PTPN23: variants seen among roughly 807,000 people sequenced by gnomAD.
PTPN23 encodes tyrosine-protein phosphatase non-receptor type 23.
Under a neutral mutation model 156.3 loss-of-function variants are expected in PTPN23, and 72 were observed. That is an observed-to-expected ratio of 0.46 (90% CI 0.38 to 0.56). PTPN23 has a LOEUF of 0.56. Ranked by LOEUF, PTPN23 falls within the 20% of genes least tolerant of loss-of-function variation. The pLI is 0.00. For missense variants in PTPN23, 1,974 were observed against 2,171.5 expected (o/e 0.91, Z 1.81); for synonymous variants, 957 against 899.6 (o/e 1.06, Z -1.14).
chr3:47,403,240 G>T (rs1209847703), intron 2 of PTPN23, among the ~76,000 whole-genome samples: 1 of 151,888 alleles, frequency 6.6e-6, no homozygotes, highest in Non-Finnish European at 1.5e-5. Context: ...TTTTAGTAGA[G>T]ACGGGGTTTC....
chr3:47,405,095 T>A lies in PTPN23; in HGVS notation c.364+14T>A. 6.2e-7 allele frequency: 1 copy of A among 1,613,422 alleles called. No homozygotes were observed. The highest frequency in any genetic ancestry group is 1.1e-5 in the South Asian group (1 of 91,058). On this transcript the variant is annotated intron_variant, in intron 4 of 24. Transcript: ENST00000265562. The surrounding 1 kb of genome is among the most constrained non-coding windows in gnomAD (Gnocchi z 4.7). Reference sequence around the variant, plus strand: ...TCTACAACCTTGGTGAGCTGCCTGATCCCTTCCCCCGGCCCTACTCCCCAG... The same window carrying A: ...TCTACAACCTTGGTGAGCTGCCTGAACCCTTCCCCCGGCCCTACTCCCCAG...
chr3:47,395,965 TCG>T (rs1704869979), intron 1 of PTPN23, among the ~76,000 whole-genome samples, 176 bp from the exon 2 acceptor site: 2 of 125,658 alleles, frequency 1.6e-5, no homozygotes, highest in African/African-American at 5.4e-5. Flanking sequence ...GTCACGGCTC[TCG>T]TGGTCAGCAT....
At chr3:47,409,341 G>A in intron 17 of PTPN23, 24 bp downstream of exon 17, 1 of 1,613,574 alleles carries the variant, frequency 6.2e-7, no homozygotes. Context: ...GCAGGGTAGA[G>A]GGGCTCTGGC....
chr3:47,387,086 T>C (rs146351515), intron 1 of PTPN23, among the ~76,000 whole-genome samples: 1 of 152,258 alleles, frequency 6.6e-6, no homozygotes, highest in East Asian at 1.9e-4. Flanking sequence ...CCTTGAGTAT[T>C]ATTGTAGGGA....
At chr3:47,395,294 A>G (rs1313403386) in intron 1 of PTPN23, among the ~76,000 whole-genome samples, 1 of 152,190 alleles carries the variant, frequency 6.6e-6, no homozygotes, top group East Asian at 1.9e-4. Flanking sequence ...CATGGCCTTA[A>G]GGAGCCCTGT....
At position 47,412,985 on chromosome 3, in the gene PTPN23, G is replaced by C. The variant is rs1705364752; in HGVS notation, c.4711G>C (p.Gly1571Arg). Residue 1571 changes from glycine to arginine, a missense_variant, in exon 25 of 25, where the codon GGG (glycine) becomes CGG (arginine). Transcript: ENST00000265562. ...EPPVPEAPSS[G>R]PPSSSLELLA... ...GCCAGTGCCTGAAGCCCCCAGCTCG[G>C]GGCCCCCCTCCTCCTCCCTGGAATT... 1.2e-6 allele frequency: 2 copies of C among 1,611,046 alleles called. No individual in the cohort carries two copies. The highest frequency in any genetic ancestry group is 1.1e-5 in the South Asian group (1 of 90,954).
At chr3:47,396,522 C>T (rs1290748771) in intron 2 of PTPN23, among the ~76,000 whole-genome samples, 1 of 152,176 alleles carries the variant, frequency 6.6e-6, no homozygotes, top group East Asian at 1.9e-4. Flanking sequence ...TTGCAGTGAG[C>T]TGAGATCATG....
chr3:47,387,612 GA>G (rs1704683022), intron 1 of PTPN23, among the ~76,000 whole-genome samples: 1 of 151,400 alleles, frequency 6.6e-6, no homozygotes, highest in Non-Finnish European at 1.5e-5. Context: ...GTAGCCCAAG[GA>G]ATGCCCTACA....
intron 2 of PTPN23, among the ~76,000 whole-genome samples, chr3:47,396,452 G>A (rs1241060252): frequency 6.6e-6 from 1 of 152,192 alleles, no homozygotes; most frequent in Non-Finnish European, 1.5e-5. Context: ...TCATGTGCCT[G>A]TAGTTCCGGC....
At position 47,411,756 on chromosome 3, in the gene PTPN23, G is replaced by T. The variant is rs1705299480; in HGVS notation, c.3889-27G>T. On this transcript the variant is annotated intron_variant, in intron 20 of 24. Transcript: ENST00000265562. The surrounding 1 kb of genome is among the most constrained non-coding windows in gnomAD (Gnocchi z 6.3). ...AGGGCAGGGGATCCTGGAAAACCAGGTCTGTCTTGGCTTATCTGTCCCTCA... is the reference window on the plus strand; with the variant it reads ...AGGGCAGGGGATCCTGGAAAACCAGTTCTGTCTTGGCTTATCTGTCCCTCA... 3.1e-6 allele frequency: 5 copies of T among 1,594,480 alleles called. No homozygotes were observed. Among genetic ancestry groups the T allele is most frequent in the Non-Finnish European group, 3.4e-6 (4 of 1,166,900 alleles).
At position 47,405,258 on chromosome 3, in the gene PTPN23, C is replaced by T. The variant is rs1031171215; in HGVS notation, c.364+177C>T. On this transcript the variant is annotated intron_variant, in intron 4 of 24. Coordinates refer to ENST00000265562, the MANE Select transcript of PTPN23 (RefSeq NM_015466.4). This position sits in a 1 kb window ranked among gnomAD's most constrained non-coding sequence, Gnocchi z 4.7. ...CCTCCACTGTTTTCTGGGCTGGGCC[C>T]GTGGGGAGCCTCTGCTGGGGCGAGG... 38 of 632,120 alleles carry T rather than the reference C, an allele frequency of 6.0e-5. No homozygotes were observed. The highest frequency in any genetic ancestry group is 8.3e-5 in the East Asian group (3 of 36,192). The allele number at this position is 632,120 out of a possible 1,614,324, so 39.2% of individuals were successfully genotyped here. A position where few individuals can be genotyped will look rare whatever the true frequency, so the allele number is the denominator to read the frequency against.
At position 47,405,667 on chromosome 3, in the gene PTPN23, A is replaced by G; in HGVS notation, c.365-82A>G. 3 of 1,401,698 alleles carry G rather than the reference A, an allele frequency of 2.1e-6. No homozygotes were observed. The highest frequency in any genetic ancestry group is 3.0e-6 in the Non-Finnish European group (3 of 1,013,994). 86.8% of individuals were successfully genotyped at this position (1,401,698 alleles called of 1,614,324 possible). On this transcript the variant is annotated intron_variant, in intron 4 of 24. Transcript: ENST00000265562. This position sits in a 1 kb window ranked among gnomAD's most constrained non-coding sequence, Gnocchi z 4.7. ...CAGAGCCATGTTGTCCTGATTGTGG[A>G]TAACAGCAGTGCCCCCTCTGTCTCA...
rs367969329 is a variant in PTPN23 at position 47,404,698 on chromosome 3, G to A, written c.206G>A (p.Arg69His). ...GACTTTGAGGGCTGTAGTGTCCTCC[G>A]CAAGTACCTCGGCCAGCTTCATTAC... The part of the protein sequence containing the change: ...PRDFEGCSVL[R>H]KYLGQLHYLQ... Residue 69 changes from arginine to histidine, a missense_variant, in exon 3 of 25, where the codon CGC (arginine) becomes CAC (histidine). Arg to His is a conservative substitution (Grantham distance 29). Transcript: ENST00000265562. 7.4e-6 allele frequency: 12 copies of A among 1,613,838 alleles called. No homozygotes were observed. Among genetic ancestry groups the A allele is most frequent in the East Asian group, 6.7e-5 (3 of 44,866 alleles).
At chr3:47,385,865 G>C (rs1704642460) in intron 1 of PTPN23, among the ~76,000 whole-genome samples, 1 of 152,112 alleles carries the variant, frequency 6.6e-6, no homozygotes, top group African/African-American at 2.4e-5. Flanking sequence ...CCATCAGGCT[G>C]CTCATGGCCT....
chr3:47,382,680 CTTTTTTTTT>C (rs71098482), intron 1 of PTPN23, among the ~76,000 whole-genome samples: 5 of 58,650 alleles, frequency 8.5e-5, no homozygotes, highest in Non-Finnish European at 1.3e-4. Flanking sequence ...TTTTTCTTTT[CTTTTTTTTT>C]TTTTTTTTTT....
At chr3:47,385,506 A>G (rs913239448) in intron 1 of PTPN23, among the ~76,000 whole-genome samples, 7 of 151,968 alleles carry the variant, frequency 4.6e-5, no homozygotes, top group Non-Finnish European at 8.8e-5. Context: ...ATGAAACCCC[A>G]TCTCTACTAA....
Position 47,411,340 on chromosome 3 carries a change from T to G in PTPN23, c.3542T>G (p.Phe1181Cys). Reference protein sequence around the residue: ...LRQLQQELEAFRGQLGDVGAL... With the variant: ...LRQLQQELEACRGQLGDVGAL... ...CAGTTGCAGCAGGAGCTGGAGGCCT[T>G]TCGGGGTCAGCTGGGGGATGTGGGA... The change falls in exon 20 of 25, where the codon TTT becomes TGT. Residue 1181 changes from phenylalanine to cysteine, a missense_variant. Physicochemically the swap from Phe to Cys is radical, Grantham distance 205 (BLOSUM62 -2). Coordinates refer to ENST00000265562, the MANE Select transcript of PTPN23 (RefSeq NM_015466.4). The surrounding 1 kb of genome is among the most constrained non-coding windows in gnomAD (Gnocchi z 6.3). 2 of 1,612,844 alleles carry G rather than the reference T, an allele frequency of 1.2e-6. No homozygotes were observed. Among genetic ancestry groups the G allele is most frequent in the Non-Finnish European group, 1.7e-6 (2 of 1,179,988 alleles).
At position 47,410,018 on chromosome 3, in the gene PTPN23, C is replaced by A. The variant is rs1314216990; in HGVS notation, c.2220C>A (p.Asp740Glu). The A allele has an allele frequency of 6.2e-7, 1 of 1,608,334 alleles. No individual in the cohort carries two copies. Among genetic ancestry groups the A allele is most frequent in the African/African-American group, 1.3e-5 (1 of 74,858 alleles). The part of the protein sequence containing the change: ...REESEAVEAG[D>E]PPEELRSLPP... ...AGAGTGAGGCAGTGGAAGCAGGAGA[C>A]CCCCCTGAGGAGCTGCGCAGCCTCC... Residue 740 changes from aspartate to glutamate, a missense_variant, in exon 20 of 25, where the codon GAC becomes GAA. This residue lies in a region of PTPN23 where 731 missense variants were observed against 669.1 expected (regional missense o/e 1.09). Coordinates refer to ENST00000265562, the MANE Select transcript of PTPN23 (RefSeq NM_015466.4).
At chr3:47,385,463 G>C (rs969627746) in intron 1 of PTPN23, among the ~76,000 whole-genome samples, 1 of 152,106 alleles carries the variant, frequency 6.6e-6, no homozygotes, top group Non-Finnish European at 1.5e-5. Context: ...GATTGCTTGA[G>C]TCCAGGAGTT....
Sources: gnomAD v4.1 joint callset for allele counts (sites outside exome capture counted in the v4.1 genomes callset) on GRCh38, gnomAD v4.1.1 for gene constraint, gnomAD v4.1.1 regional missense constraint, Gnocchi (gnomAD v3.1) non-coding constraint, MANE v1.5 for transcripts, NCBI Gene and HGNC (gene_info 2026-07-23, HGNC 2026-07-21) for gene names.